Variants in EFEMP1 observed in about 807,000 individuals in gnomAD.
The protein encoded by EFEMP1 is EGF-like fibulin extracellular matrix protein 1, also known as EGF-containing fibulin-like extracellular matrix protein 1.
Under a neutral mutation model 65.7 loss-of-function variants are expected in EFEMP1, and 18 were observed. The observed-to-expected ratio is 0.27, with a 90% confidence interval of 0.19 to 0.41. The LOEUF is 0.41. Among genes scored for constraint, EFEMP1 ranks in the 10% least tolerant of loss-of-function variants. The pLI is 1.00. For synonymous variants in EFEMP1, 237 were observed against 219.7 expected, an observed-to-expected ratio of 1.08 and a Z score of -0.70; for missense variants, 469 against 624.8, an observed-to-expected ratio of 0.75 and a Z score of 2.66.
chr2:55,892,232 T>C (rs1179445019), intron 5 of EFEMP1, among the ~76,000 whole-genome samples: 1 of 152,172 alleles, frequency 6.6e-6, no homozygotes, highest in Non-Finnish European at 1.5e-5. Context: ...GGGACAGAAA[T>C]AAGTTTCTCA....
intron 3 of EFEMP1, among the ~76,000 whole-genome samples, chr2:55,918,657 C>A (rs1216953873): frequency 6.6e-6 from 1 of 150,568 alleles, no homozygotes; most frequent in Non-Finnish European, 1.5e-5. Flanking sequence ...TCGCCCTCTC[C>A]CCCGCCCCCA....
intron 4 of EFEMP1, 55 bp downstream of exon 4, chr2:55,918,164 C>T: frequency 1.2e-6 from 2 of 1,613,014 alleles, no homozygotes; most frequent in Non-Finnish European, 8.5e-7. Context: ...AAGAGTGACA[C>T]AAGAGATGGA....
chr2:55,898,194 C>A (rs1030562346), intron 5 of EFEMP1, among the ~76,000 whole-genome samples: 5 of 152,134 alleles, frequency 3.3e-5, no homozygotes, highest in Non-Finnish European at 7.4e-5. Flanking sequence ...TTGGTTATTT[C>A]ATGAAGTGTG....
chr2:55,891,540 G>A (rs148746449), intron 5 of EFEMP1, among the ~76,000 whole-genome samples: 1 of 152,148 alleles, frequency 6.6e-6, no homozygotes, highest in African/African-American at 2.4e-5. Context: ...TCTCTCATTT[G>A]ACACATGGTG....
At chr2:55,889,868 G>C (rs1337471783) in intron 5 of EFEMP1, among the ~76,000 whole-genome samples, 1 of 148,996 alleles carries the variant, frequency 6.7e-6, no homozygotes, top group Non-Finnish European at 1.5e-5. Context: ...GGGGAAAATA[G>C]AATAATACAA....
At position 55,870,901 on chromosome 2, in the gene EFEMP1, G is replaced by C. The variant is rs1160674608; in HGVS notation, c.1139C>G (p.Pro380Arg). The stretch of plus-strand genomic sequence containing the variant: ...TTCTCGGCACATGGCATTTGAGACT[G>C]GGCAAACACATCGGCTGCAGAGACA... ...ILTPENRCVC[P>R]VSNAMCRELP... Residue 380 changes from proline (P) to arginine (R), a missense_variant, in exon 11 of 12, where the codon CCA becomes CGA. This residue lies in a region of EFEMP1 where 399 missense variants were observed against 528.2 expected (regional missense o/e 0.76). Transcript: ENST00000355426. This position sits in a 1 kb window ranked among gnomAD's most constrained non-coding sequence, Gnocchi z 5.8. 6.2e-7 allele frequency: 1 copy of C among 1,613,736 alleles called. No homozygotes were observed. The highest frequency in any genetic ancestry group is 1.7e-5 in the Admixed American group (1 of 59,892).
intron 5 of EFEMP1, among the ~76,000 whole-genome samples, chr2:55,882,956 T>C (rs1194900756): frequency 6.6e-6 from 1 of 152,154 alleles, no homozygotes; most frequent in Non-Finnish European, 1.5e-5. Flanking sequence ...GAGTAGACCC[T>C]GAGGTTGGTT....
intron 5 of EFEMP1, among the ~76,000 whole-genome samples, chr2:55,900,241 A>T (rs1669980141): frequency 6.6e-6 from 1 of 152,164 alleles, no homozygotes; most frequent in African/African-American, 2.4e-5. Flanking sequence ...ATATGAGGAA[A>T]TCTTATGAGC....
intron 5 of EFEMP1, among the ~76,000 whole-genome samples, chr2:55,884,176 A>G (rs12104461): frequency 1.6e-4 from 24 of 152,254 alleles, no homozygotes; most frequent in African/African-American, 5.8e-4. Flanking sequence ...GCTAAAGGCT[A>G]TAAACAGACT....
intron 5 of EFEMP1, among the ~76,000 whole-genome samples, chr2:55,887,044 AG>A (rs1368481831): frequency 6.6e-6 from 1 of 152,212 alleles, no homozygotes; most frequent in Non-Finnish European, 1.5e-5. Flanking sequence ...CAATATAAAA[AG>A]ATCTATTATT....
intron 5 of EFEMP1, among the ~76,000 whole-genome samples, chr2:55,889,047 A>G (rs1247368485): frequency 6.6e-6 from 1 of 152,172 alleles, no homozygotes; most frequent in East Asian, 1.9e-4. Flanking sequence ...GCCCTGCCTG[A>G]GCACTGTGAT....
intron 3 of EFEMP1, among the ~76,000 whole-genome samples, chr2:55,920,832 G>A (rs966443278): frequency 2.0e-5 from 3 of 152,118 alleles, no homozygotes; most frequent in African/African-American, 4.8e-5. Context: ...TCTCCACAGC[G>A]GGATACTCAG....
intron 5 of EFEMP1, among the ~76,000 whole-genome samples, chr2:55,904,200 G>C (rs1472561388): frequency 1.3e-5 from 2 of 152,150 alleles, no homozygotes; most frequent in Non-Finnish European, 2.9e-5. Context: ...TAGAGGGTGA[G>C]TGTCACTGAA....
chr2:55,922,324 T>A lies in EFEMP1; in HGVS notation c.81+36A>T. ...GTCTTTTTTTGTCACAGAATCCCGC[T>A]GAACCGTACTTATTTCAAATTCCAT... is the stretch of plus-strand genomic sequence containing the variant. On this transcript the variant is annotated intron_variant, in intron 3 of 11. Coordinates refer to ENST00000355426, the MANE Select transcript of EFEMP1 (RefSeq NM_001039348.3). The surrounding 1 kb of genome is among the most constrained non-coding windows in gnomAD (Gnocchi z 5.5). 6.2e-7 allele frequency: 1 copy of A among 1,601,118 alleles called. No homozygotes were observed.
intron 5 of EFEMP1, among the ~76,000 whole-genome samples, chr2:55,882,078 G>A (rs184941388): frequency 5.9e-5 from 9 of 152,212 alleles, no homozygotes; most frequent in Admixed American, 3.3e-4. Context: ...ATCCTTCCCT[G>A]AGATGTTTTT....
chr2:55,878,833 A>G (rs1030278530), intron 6 of EFEMP1, among the ~76,000 whole-genome samples: 4 of 152,288 alleles, frequency 2.6e-5, no homozygotes, highest in African/African-American at 9.6e-5. Context: ...TGTGAGTAGA[A>G]TTATTGGGAG....
chr2:55,911,446 T>C (rs72811706), intron 5 of EFEMP1, among the ~76,000 whole-genome samples: 2,321 of 152,128 alleles, frequency 0.015, 41 homozygotes, highest in African/African-American at 0.046. Context: ...TATTATGGGA[T>C]TGTTAAAACA....
intron 6 of EFEMP1, among the ~76,000 whole-genome samples, chr2:55,880,487 T>C (rs1223060230): frequency 6.6e-6 from 1 of 152,230 alleles, no homozygotes; most frequent in Non-Finnish European, 1.5e-5. Context: ...TAGCAAACCC[T>C]GGGCCTTCCT....
chr2:55,922,872 A>G lies in EFEMP1; in HGVS notation c.-8+27T>C. The G allele has an allele frequency of 8.8e-7, 1 of 1,140,514 alleles. No homozygotes were observed. 70.6% of individuals were successfully genotyped at this position (1,140,514 alleles called of 1,614,324 possible). On this transcript the variant is annotated intron_variant, in intron 2 of 11. Transcript: ENST00000355426. The surrounding 1 kb of genome is among the most constrained non-coding windows in gnomAD (Gnocchi z 5.5). The stretch of plus-strand genomic sequence containing the variant: ...GGGCTGCAAAACTCTGTTCTCTAGA[A>G]CGTTAAGGCTTTCCCAGTATACTCA...
Sources: gnomAD v4.1 joint callset for allele counts (sites outside exome capture counted in the v4.1 genomes callset) on GRCh38, gnomAD v4.1.1 for gene constraint, gnomAD v4.1.1 regional missense constraint, Gnocchi (gnomAD v3.1) non-coding constraint, MANE v1.5 for transcripts, NCBI Gene and HGNC (gene_info 2026-07-23, HGNC 2026-07-21) for gene names.